MEIS2: variants seen among roughly 807,000 people sequenced by gnomAD.
MEIS2 encodes the protein Meis homeobox 2, also known as homeobox protein Meis2.
Under a neutral mutation model 58.6 loss-of-function variants are expected in MEIS2, and 9 were observed. The observed-to-expected ratio is 0.15, with a 90% confidence interval of 0.09 to 0.27. MEIS2 has a LOEUF of 0.27. Among genes scored for constraint, MEIS2 ranks in the 10% least tolerant of loss-of-function variants. The pLI is 1.00. For synonymous variants in MEIS2, 221 were observed against 228.4 expected, an observed-to-expected ratio of 0.97 and a Z score of 0.29; for missense variants, 427 against 635.0, an observed-to-expected ratio of 0.67 and a Z score of 3.52.
intron 8 of MEIS2, among the ~76,000 whole-genome samples, chr15:37,011,988 T>A (rs2061177298): frequency 6.6e-6 from 1 of 152,148 alleles, no homozygotes; most frequent in Non-Finnish European, 1.5e-5. Flanking sequence ...CATATGTTTA[T>A]TAATACCAGG....
intron 4 of MEIS2, chr15:37,095,070 G>A (rs1460653682): frequency 1.2e-5 from 2 of 168,186 alleles, no homozygotes; most frequent in Admixed American, 1.1e-4. Context: ...CAGGGCCTTT[G>A]AAAGCGGATT....
intron 8 of MEIS2, among the ~76,000 whole-genome samples, chr15:36,991,575 A>G (rs2060275316): frequency 6.6e-6 from 1 of 152,122 alleles, no homozygotes; most frequent in Non-Finnish European, 1.5e-5. Context: ...AAGAAAATAA[A>G]TACAAAATGC....
At chr15:37,038,849 A>G (rs1355364252) in intron 7 of MEIS2, among the ~76,000 whole-genome samples, 1 of 152,162 alleles carries the variant, frequency 6.6e-6, no homozygotes, top group East Asian at 1.9e-4. Flanking sequence ...ACGCACACCC[A>G]AGCTCGTGCA....
At chr15:36,917,345 G>A (rs143791541) in intron 9 of MEIS2, among the ~76,000 whole-genome samples, 1 of 152,120 alleles carries the variant, frequency 6.6e-6, no homozygotes, top group Non-Finnish European at 1.5e-5. Context: ...CATAGAATGT[G>A]CATGGAATTC....
intron 7 of MEIS2, among the ~76,000 whole-genome samples, chr15:37,053,398 A>G (rs1177096972): frequency 1.3e-5 from 2 of 152,216 alleles, no homozygotes; most frequent in Non-Finnish European, 2.9e-5. Flanking sequence ...CACAATTTCT[A>G]CCACCAGTCA....
At chr15:36,942,514 GCAA>G (rs1342361949) in intron 9 of MEIS2, among the ~76,000 whole-genome samples, 2 of 152,034 alleles carry the variant, frequency 1.3e-5, no homozygotes, top group African/African-American at 2.4e-5. Flanking sequence ...GAAAACAACA[GCAA>G]CAACAACAAA....
At chr15:37,051,672 A>G (rs960279010) in intron 7 of MEIS2, among the ~76,000 whole-genome samples, 2 of 152,216 alleles carry the variant, frequency 1.3e-5, no homozygotes, top group African/African-American at 4.8e-5. Flanking sequence ...TAAATCATCA[A>G]AAACCTGTTA....
chr15:36,944,264 T>A (rs1354174221), intron 9 of MEIS2, among the ~76,000 whole-genome samples: 3 of 152,096 alleles, frequency 2.0e-5, no homozygotes, highest in Non-Finnish European at 2.9e-5. Flanking sequence ...AATGTGTGTT[T>A]TTCTTTTAAC....
chr15:36,895,261 C>T lies in MEIS2; in HGVS notation c.1037G>A (p.Gly346Asp). ...GCTCACTGAAGGATCAAGAAGAAAA[C>T]CTGATTGTGGTCATTCGAGGACACA... ...QPMIDQSNRAGFLLDPSVSQG... is the reference protein window; with the variant it reads ...QPMIDQSNRADFLLDPSVSQG... Residue 346 changes from glycine to aspartate, a missense_variant and splice_region_variant, in exon 11 of 12, where the codon GGT (glycine) becomes GAT (aspartate). By Grantham distance (94) the Gly-to-Asp change is moderately conservative (BLOSUM62 -1). Coordinates refer to ENST00000561208, the MANE Select transcript of MEIS2 (RefSeq NM_170675.5). 6.2e-7 allele frequency: 1 copy of T among 1,613,604 alleles called. No individual in the cohort carries two copies. The highest frequency in any genetic ancestry group is 8.5e-7 in the Non-Finnish European group (1 of 1,179,678).
intron 8 of MEIS2, among the ~76,000 whole-genome samples, chr15:36,968,022 A>G (rs949236680): frequency 1.2e-4 from 18 of 152,218 alleles, no homozygotes; most frequent in African/African-American, 3.6e-4. Context: ...AAAGTGGAAG[A>G]AACTTTACAT....
At chr15:36,933,615 G>A (rs912883488) in intron 9 of MEIS2, among the ~76,000 whole-genome samples, 2 of 151,344 alleles carry the variant, frequency 1.3e-5, no homozygotes, top group Middle Eastern at 3.4e-3. Flanking sequence ...GGGGGTGGGC[G>A]GGGGGCGGAA....
At chr15:36,949,897 T>A (rs2058696001) in intron 9 of MEIS2, among the ~76,000 whole-genome samples, 1 of 151,946 alleles carries the variant, frequency 6.6e-6, no homozygotes, top group East Asian at 1.9e-4. Flanking sequence ...AAAGCCTGTA[T>A]CTACATCACC....
At chr15:36,900,286 G>A (rs752979696) in intron 9 of MEIS2, among the ~76,000 whole-genome samples, 22 of 152,148 alleles carry the variant, frequency 1.4e-4, no homozygotes, top group Middle Eastern at 3.4e-3. Context: ...TAGCCTCATT[G>A]TGACTTTTTT....
intron 8 of MEIS2, among the ~76,000 whole-genome samples, chr15:36,984,373 T>C (rs1005454725): frequency 1.1e-4 from 16 of 152,202 alleles, no homozygotes; most frequent in African/African-American, 3.9e-4. Flanking sequence ...TTCTTCATTC[T>C]GTTAATGTTG....
intron 8 of MEIS2, among the ~76,000 whole-genome samples, chr15:36,977,041 G>A (rs1424171648): frequency 5.3e-5 from 8 of 152,214 alleles, no homozygotes; most frequent in African/African-American, 7.2e-5. Context: ...CAGGAGAATC[G>A]TTTGAACCTG....
chr15:36,915,898 A>C lies in MEIS2; in HGVS notation c.978-19212T>G, dbSNP rs567064441. On this transcript the variant is annotated intron_variant, in intron 9 of 11. Coordinates refer to ENST00000561208, the MANE Select transcript of MEIS2 (RefSeq NM_170675.5). ...GAGGACAGCAAAACAAAATATTTAA[A>C]GTTAGCACTATAGAAAATCTGGCAT... Among the ~76,000 whole-genome samples, 8 of 152,348 alleles carry C rather than the reference A, an allele frequency of 5.3e-5. No homozygotes were observed. The East Asian group carries it at 1.5e-3, about 29-fold the overall frequency.
chr15:37,013,294 G>GGCACC lies in MEIS2; in HGVS notation c.900+23515_900+23519dup, dbSNP rs562016100. On this transcript the variant is annotated intron_variant, in intron 8 of 11. Coordinates refer to ENST00000561208, the MANE Select transcript of MEIS2 (RefSeq NM_170675.5). ...AGGAAAAAAGATGATTTTAAGGCCAGGCACCGTGGCTCACACCTGTAATCC... is the reference window on the plus strand; with the variant it reads ...AGGAAAAAAGATGATTTTAAGGCCAGGCACCGCACCGTGGCTCACACCTGTAATCC... Among the ~76,000 whole-genome samples the GGCACC allele has an allele frequency of 4.5e-4, 69 of 152,282 alleles. No individual in the cohort carries two copies. In the South Asian group the frequency reaches 0.012, roughly 26 times the overall value.
chr15:36,957,873 T>C (rs912367534), intron 8 of MEIS2, among the ~76,000 whole-genome samples: 3 of 152,168 alleles, frequency 2.0e-5, no homozygotes, highest in African/African-American at 7.2e-5. Context: ...TATGGAGAGA[T>C]TGAGACAATC....
chr15:36,935,970 C>T (rs1440211980), intron 9 of MEIS2, among the ~76,000 whole-genome samples: 1 of 152,100 alleles, frequency 6.6e-6, no homozygotes, highest in Non-Finnish European at 1.5e-5. Flanking sequence ...CCATTACCTG[C>T]AAATAAAGCA....
Sources: gnomAD v4.1 joint callset for allele counts (sites outside exome capture counted in the v4.1 genomes callset) on GRCh38, gnomAD v4.1.1 for gene constraint, MANE v1.5 for transcripts, NCBI Gene and HGNC (gene_info 2026-07-23, HGNC 2026-07-21) for gene names.